Variants in DARS1 observed in about 807,000 individuals in gnomAD.
The protein encoded by DARS1 is aspartyl-tRNA synthetase 1.
DARS1 carries 51 observed loss-of-function variants against 68.8 expected under a neutral mutation model. The observed-to-expected ratio is 0.74, with a 90% CI of 0.59 to 0.94. The LOEUF (loss-of-function observed/expected upper bound fraction) is 0.94, where lower values mean the gene tolerates loss of function less well. Among genes scored for constraint, DARS1 ranks in the 40% least tolerant of loss-of-function variants. DARS1 has a pLI of 0.00. For missense variants in DARS1, 607 were observed against 597.3 expected (o/e 1.02, Z -0.17); for synonymous variants, 203 against 190.4 (o/e 1.07, Z -0.55).
intron 3 of DARS1, among the ~76,000 whole-genome samples, chr2:135,976,156 G>A (rs923537308): frequency 3.3e-5 from 5 of 152,114 alleles, no homozygotes; most frequent in African/African-American, 1.2e-4. Context: ...TACAGCATAT[G>A]AACTCACTTT....
intron 4 of DARS1, among the ~76,000 whole-genome samples, chr2:135,957,035 G>T (rs1351451110): frequency 6.6e-6 from 1 of 151,978 alleles, no homozygotes; most frequent in East Asian, 1.9e-4. Context: ...ATAGTGCTGG[G>T]ATTACAGGTG....
At chr2:135,920,112 A>G (rs182056821) in intron 10 of DARS1, among the ~76,000 whole-genome samples, 20 of 152,324 alleles carry the variant, frequency 1.3e-4, no homozygotes, top group Admixed American at 4.6e-4. Flanking sequence ...TGTTTCCCAA[A>G]TAAACTGTTA....
At chr2:135,918,038 G>A (rs1338853489) in intron 10 of DARS1, among the ~76,000 whole-genome samples, 1 of 152,032 alleles carries the variant, frequency 6.6e-6, no homozygotes, top group Non-Finnish European at 1.5e-5. Flanking sequence ...TCCTGCCTCA[G>A]CCTCCCAAGT....
chr2:135,916,234 G>A lies in DARS1; in HGVS notation c.1098C>T (p.Asp366=), dbSNP rs543652584. 8 of 1,583,882 alleles carry A rather than the reference G, an allele frequency of 5.1e-6. No homozygotes were observed. Among genetic ancestry groups the A allele is most frequent in the Admixed American group, 1.7e-5 (1 of 59,804 alleles). The change falls in exon 11 of 16, where the codon GAC becomes GAT. Residue 366 remains aspartate, a synonymous_variant. Coordinates refer to ENST00000264161, the MANE Select transcript of DARS1 (RefSeq NM_001349.4). ...AAGCCACAAAGACAAACCTCAGATC[G>A]TCTTCATCTCCCATTTCGACTCCAG... ...REAGVEMGDE[D]DLSTPNEKLL... is the part of the protein sequence containing the mutation.
Position 135,961,507 on chromosome 2 carries a change from G to C in DARS1, c.218-9C>G, listed in dbSNP as rs1446149378. ...TAAGAAGCACTGTTTCCCTGAAAAA[G>C]ACAGAAAGAACACAAATGTATTAAG... On this transcript the variant is annotated splice_polypyrimidine_tract_variant and intron_variant, in intron 3 of 15. Coordinates refer to ENST00000264161, the MANE Select transcript of DARS1 (RefSeq NM_001349.4). The C allele has an allele frequency of 3.2e-6, 4 of 1,253,170 alleles. No individual in the cohort carries two copies. In the Admixed American group the frequency reaches 5.0e-5, roughly 16 times the overall value. 77.6% of individuals were successfully genotyped at this position (1,253,170 alleles called of 1,614,324 possible).
intron 12 of DARS1, 98 bp downstream of exon 12, chr2:135,914,371 A>G (rs1273441447): frequency 1.3e-6 from 1 of 746,312 alleles, no homozygotes; most frequent in Non-Finnish European, 2.3e-6. Flanking sequence ...TTCCAGAATC[A>G]TACCATTCTA....
In DARS1 at chr2:135,933,914, TCTC is replaced by T. The variant is rs867451437; in HGVS notation, c.497_499del (p.Gly166del). 3 of 1,612,288 alleles carry T rather than the reference TCTC, an allele frequency of 1.9e-6. No homozygotes were observed. The highest frequency in any genetic ancestry group is 1.3e-5 in the African/African-American group (1 of 74,884). On this transcript the variant is annotated inframe_deletion, in exon 6 of 16. Transcript: ENST00000264161. Reference sequence around the variant, plus strand: ...TTTCATAAGTATAATTTTTACCTCTTCTCCTTCTGCCTCAGGCCGAACAGCATC... The same window carrying T: ...TTTCATAAGTATAATTTTTACCTCTTCTTCTGCCTCAGGCCGAACAGCATC...
At chr2:135,948,525 T>C (rs1681774749) in intron 4 of DARS1, among the ~76,000 whole-genome samples, 1 of 152,166 alleles carries the variant, frequency 6.6e-6, no homozygotes, top group African/African-American at 2.4e-5. Context: ...TTTGTAAAAA[T>C]CAATGAGACT....
chr2:135,982,792 A>C (rs1682666890), intron 2 of DARS1, among the ~76,000 whole-genome samples: 1 of 152,136 alleles, frequency 6.6e-6, no homozygotes, highest in African/African-American at 2.4e-5. Flanking sequence ...GAGAAGATGT[A>C]AGATGGAAGG....
At chr2:135,936,820 C>G (rs1681481307) in intron 5 of DARS1, among the ~76,000 whole-genome samples, 1 of 152,186 alleles carries the variant, frequency 6.6e-6, no homozygotes, top group African/African-American at 2.4e-5. Context: ...AAAACAGATT[C>G]CAGCTAAATA....
rs201331290 is a variant in DARS1 at position 135,953,909 on chromosome 2, TTTTA to T, written c.320+7483_320+7486del. Reference sequence around the variant, plus strand: ...GATCCACTTTTTATTTATTTTTAATTTTTATTTATTTATTTAATTTTTTTTTTTG... The same window carrying T: ...GATCCACTTTTTATTTATTTTTAATTTTTATTTATTTAATTTTTTTTTTTG... On this transcript the variant is annotated intron_variant, in intron 4 of 15. Transcript: ENST00000264161. Among the ~76,000 whole-genome samples, 1,264 of 151,764 alleles carry T rather than the reference TTTTA, an allele frequency of 8.3e-3. 14 individuals are homozygous for T. The highest frequency in any genetic ancestry group is 0.027 in the African/African-American group (1,122 of 41,478).
Position 135,983,398 on chromosome 2 carries a change from TG to T in DARS1, c.122del (p.Pro41GlnfsTer11). ...ATTTACTGTCACATAGCTACTAACC[TG>T]GTTTTTCTTGTGATTGTATCATTGA... ...ISSMIQSQEKPDRVLVRVRDL... is the reference protein window; with the variant it reads ...ISSMIQSQEKXDRVLVRVRDL... On this transcript the variant is annotated frameshift_variant and splice_region_variant, in exon 2 of 16. Transcript: ENST00000264161. LOFTEE classifies it high-confidence loss of function. The T allele has an allele frequency of 1.8e-6, 2 of 1,081,426 alleles. No homozygotes were observed. The highest frequency in any genetic ancestry group is 2.9e-6 in the Non-Finnish European group (2 of 700,860). 67.0% of individuals were successfully genotyped at this position (1,081,426 alleles called of 1,614,324 possible).
chr2:135,910,570 T>C (rs1680874650), intron 15 of DARS1, among the ~76,000 whole-genome samples: 1 of 152,126 alleles, frequency 6.6e-6, no homozygotes, highest in Admixed American at 6.5e-5. Flanking sequence ...TTCTGTACCA[T>C]CTGTTGAAAA....
chr2:135,957,502 G>A (rs951905244), intron 4 of DARS1, among the ~76,000 whole-genome samples: 2 of 152,118 alleles, frequency 1.3e-5, no homozygotes, highest in African/African-American at 4.8e-5. Context: ...ACAGGTATGA[G>A]CCACCACGCT....
chr2:135,912,433 A>C, intron 13 of DARS1, 53 bp downstream of exon 13: 1 of 727,684 alleles, frequency 1.4e-6, no homozygotes, highest in Non-Finnish European at 2.4e-6. Context: ...TGACAGTGAC[A>C]ATAAAATTTC....
At chr2:135,928,695 A>G (rs1681277909) in intron 7 of DARS1, among the ~76,000 whole-genome samples, 1 of 136,930 alleles carries the variant, frequency 7.3e-6, no homozygotes, top group Non-Finnish European at 1.5e-5. Context: ...TTTGAGATGG[A>G]ATTTCTTTCT....
chr2:135,928,732 G>A (rs1046048893), intron 7 of DARS1, among the ~76,000 whole-genome samples: 7 of 149,562 alleles, frequency 4.7e-5, no homozygotes, highest in African/African-American at 1.7e-4. Context: ...GTGCAATGGC[G>A]TGATCTTGGA....
Position 135,907,219 on chromosome 2 carries a change from CTGAAAAGAATA to C in DARS1, c.*86_*96del, listed in dbSNP as rs1680800871. ...GTACAGCCTGTGCACTAGCAGGTTA[CTGAAAAGAATA>C]AGTGTGGCTTTCTTTTTTTTTTTTT... On this transcript the variant is annotated 3_prime_UTR_variant, in exon 16 of 16. Coordinates refer to ENST00000264161, the MANE Select transcript of DARS1 (RefSeq NM_001349.4). 2.7e-6 allele frequency: 2 copies of C among 751,656 alleles called. No individual in the cohort carries two copies. Among genetic ancestry groups the C allele is most frequent in the Non-Finnish European group, 4.1e-6 (2 of 487,192 alleles). 46.6% of individuals were successfully genotyped at this position (751,656 alleles called of 1,614,324 possible).
chr2:135,922,866 A>C lies in DARS1; in HGVS notation c.729T>G (p.Asn243Lys). 1 of 1,585,846 alleles carries C rather than the reference A, an allele frequency of 6.3e-7. No homozygotes were observed. Among genetic ancestry groups the C allele is most frequent in the Non-Finnish European group, 8.6e-7 (1 of 1,167,120 alleles). The change falls in exon 9 of 16, where the codon AAT (asparagine) becomes AAG (lysine). Residue 243 changes from asparagine to lysine, a missense_variant. Physicochemically the swap from Asn to Lys is moderately conservative, Grantham distance 94. Transcript: ENST00000264161. Reference sequence around the variant, plus strand: ...GCTGTGGGGACTGAGCCAGGTATGCATTATTTTTAAAATATGACACAGTAA... The same window carrying C: ...GCTGTGGGGACTGAGCCAGGTATGCCTTATTTTTAAAATATGACACAGTAA... The part of the protein sequence containing the change: ...NVFTVSYFKN[N>K]AYLAQSPQLY...
Sources: gnomAD v4.1 joint callset for allele counts (sites outside exome capture counted in the v4.1 genomes callset) on GRCh38, gnomAD v4.1.1 for gene constraint, MANE v1.5 for transcripts, NCBI Gene and HGNC (gene_info 2026-07-23, HGNC 2026-07-21) for gene names.